C16orf92: variants seen among roughly 807,000 people sequenced by gnomAD.
C16orf92 encodes fertilization-influencing membrane protein 1.
Under a neutral mutation model 13.7 loss-of-function variants are expected in C16orf92, and 14 were observed. The observed-to-expected ratio is 1.02, with a 90% CI of 0.67 to 1.60. The LOEUF (loss-of-function observed/expected upper bound fraction) is 1.60, where lower values mean the gene tolerates loss of function less well. Ranked by LOEUF, C16orf92 falls within the 40% of genes most tolerant of loss-of-function variation. The probability of loss-of-function intolerance (pLI) is 0.00; values close to 1 mark genes in which losing one functional copy is unlikely to be tolerated. For missense variants in C16orf92, 116 were observed against 139.0 expected (o/e 0.83, Z 0.83); for synonymous variants, 50 against 57.4 (o/e 0.87, Z 0.58).
chr16:30,025,294 A>T, downstream of C16orf92: 2 of 1,553,702 alleles, frequency 1.3e-6, no homozygotes, highest in Non-Finnish European at 8.7e-7. This position sits in a 1 kb window ranked among gnomAD's most constrained non-coding sequence, Gnocchi z 4.1. Context: ...GGAGCAGCGC[A>T]GCGCCCAGGT....
Position 30,023,718 on chromosome 16 carries a change from G to C in C16orf92, c.65-9G>C. 1.2e-6 allele frequency: 2 copies of C among 1,614,078 alleles called. No homozygotes were observed. Among genetic ancestry groups the C allele is most frequent in the Non-Finnish European group, 1.7e-6 (2 of 1,180,014 alleles). On this transcript the variant is annotated splice_polypyrimidine_tract_variant and intron_variant, in intron 1 of 3. Transcript: ENST00000681219. ...TTGGCTGTTGTCACAGAGTTTGCTT[G>C]GGTCCTAGCACCCAGACCCAAGCGT...
chr16:30,024,797 G>A (rs1250627523), downstream of C16orf92: 3 of 217,028 alleles, frequency 1.4e-5, no homozygotes, highest in East Asian at 3.4e-4. Flanking sequence ...CTCTCCTCTC[G>A]GGTGATGGGG....
downstream of C16orf92, chr16:30,027,177 G>A (rs1163344580): frequency 4.2e-6 from 2 of 480,078 alleles, no homozygotes; most frequent in African/African-American, 3.9e-5. Context: ...CAGGCAGGTG[G>A]GACCTTGCCA....
chr16:30,025,807 A>C (rs11544328), downstream of C16orf92: 737,371 of 1,612,860 alleles, frequency 0.46, 169,981 homozygotes, highest in African/African-American at 0.48. The surrounding 1 kb of genome is among the most constrained non-coding windows in gnomAD (Gnocchi z 4.1). Flanking sequence ...AGTCTCCCTT[A>C]CCCTGTCGCC....
downstream of C16orf92, chr16:30,025,481 G>A (rs758061725): frequency 9.3e-6 from 15 of 1,610,714 alleles, no homozygotes; most frequent in Non-Finnish European, 1.3e-5. The surrounding 1 kb of genome is among the most constrained non-coding windows in gnomAD (Gnocchi z 4.1). Context: ...AGGAGACACA[G>A]ACACAGTGGC....
downstream of C16orf92, chr16:30,026,485 G>T: frequency 1.2e-6 from 1 of 824,964 alleles, no homozygotes; most frequent in Non-Finnish European, 1.9e-6. Context: ...GCTTTCCCTG[G>T]GAATACGCTG....
At chr16:30,027,264 C>T, downstream of C16orf92, 2 of 433,364 alleles carry the variant, frequency 4.6e-6, no homozygotes, top group Non-Finnish European at 9.3e-6. Flanking sequence ...AGAGAGAGGT[C>T]ACAGGGGTGG....
chr16:30,025,427 G>A (rs2071076004), downstream of C16orf92: 2 of 1,612,328 alleles, frequency 1.2e-6, no homozygotes, highest in South Asian at 2.2e-5. The surrounding 1 kb of genome is among the most constrained non-coding windows in gnomAD (Gnocchi z 4.1). Context: ...CAGCATCAGG[G>A]CCCCGTTCAC....
At chr16:30,026,504 TG>T, downstream of C16orf92, 1 of 952,232 alleles carries the variant, frequency 1.1e-6, no homozygotes, top group Non-Finnish European at 1.6e-6. Flanking sequence ...TGGGTCTGCT[TG>T]GTTGTCAGTA....
downstream of C16orf92, among the ~76,000 whole-genome samples, chr16:30,026,126 T>C (rs2071122706): frequency 6.6e-6 from 1 of 151,978 alleles, no homozygotes; most frequent in Non-Finnish European, 1.5e-5. Flanking sequence ...TCCCAGCTAC[T>C]GGGGAGGCTG....
downstream of C16orf92, chr16:30,025,667 G>A (rs767332753): frequency 6.4e-7 from 1 of 1,564,994 alleles, no homozygotes; most frequent in Non-Finnish European, 8.8e-7. This position sits in a 1 kb window ranked among gnomAD's most constrained non-coding sequence, Gnocchi z 4.1. Context: ...AACCTTGAAG[G>A]TCCCTCCCCT....
downstream of C16orf92, chr16:30,026,782 C>T (rs2071161426): frequency 3.7e-6 from 6 of 1,613,980 alleles, no homozygotes; most frequent in East Asian, 4.5e-5. Flanking sequence ...AGGAACATGG[C>T]GTAGATGTCG....
intron 2 of C16orf92, 52 bp from the exon 3 acceptor site, chr16:30,023,947 G>C (rs1306936327): frequency 3.1e-6 from 5 of 1,593,330 alleles, no homozygotes; most frequent in Non-Finnish European, 4.3e-6. Flanking sequence ...AGCAGCCCCA[G>C]ACCCTTCATT....
downstream of C16orf92, chr16:30,026,722 C>T (rs1161189769): frequency 6.2e-7 from 1 of 1,614,072 alleles, no homozygotes; most frequent in East Asian, 2.2e-5. Context: ...GCTCTGGCCG[C>T]TCCGTCGTCC....
In C16orf92 at chr16:30,023,829, G is replaced by C. The variant is rs1317485779; in HGVS notation, c.167G>C (p.Arg56Thr). ...FFDYPDSDQA[R>T]LLAVAQFIGE... ...GATTATCCGGACTCAGACCAAGCCA[G>C]GCTGCTGGCTGTGGCCCAGTTTATT... The change falls in exon 2 of 4, where the codon AGG becomes ACG. Residue 56 changes from arginine to threonine, a missense_variant. Physicochemically the swap from Arg to Thr is moderately conservative, Grantham distance 71 (BLOSUM62 -1). Coordinates refer to ENST00000681219, the MANE Select transcript of C16orf92 (RefSeq NM_001109659.2). 1 of 1,614,056 alleles carries C rather than the reference G, an allele frequency of 6.2e-7. No homozygotes were observed. The highest frequency in any genetic ancestry group is 8.5e-7 in the Non-Finnish European group (1 of 1,180,022).
Position 30,024,263 on chromosome 16 carries a change from C to T in C16orf92, c.*36C>T. On this transcript the variant is annotated 3_prime_UTR_variant, in exon 4 of 4. Coordinates refer to ENST00000681219, the MANE Select transcript of C16orf92 (RefSeq NM_001109659.2). ...AAGGGCTCTGGACTCAACCTGAGCA[C>T]CCACACCCACCTCCTCTCCTGTTGA... The T allele has an allele frequency of 6.2e-7, 1 of 1,605,944 alleles. No individual in the cohort carries two copies. The highest frequency in any genetic ancestry group is 1.3e-5 in the African/African-American group (1 of 74,780).
downstream of C16orf92, chr16:30,025,035 G>A (rs1202362818): frequency 1.0e-5 from 6 of 577,190 alleles, no homozygotes; most frequent in South Asian, 2.5e-5. The surrounding 1 kb of genome is among the most constrained non-coding windows in gnomAD (Gnocchi z 4.1). Flanking sequence ...CAGTCCCCGA[G>A]AGATGGGGCC....
chr16:30,025,476 A>G (rs531520342), downstream of C16orf92: 14 of 1,610,902 alleles, frequency 8.7e-6, no homozygotes, highest in Admixed American at 1.8e-4. The surrounding 1 kb of genome is among the most constrained non-coding windows in gnomAD (Gnocchi z 4.1). Flanking sequence ...TACTGAGGAG[A>G]CACAGACACA....
Position 30,024,039 on chromosome 16 carries a change from G to A in C16orf92, c.264G>A (p.Leu88=). Residue 88 remains leucine (L), a synonymous_variant, in exon 3 of 4, where the codon TTG becomes TTA. Coordinates refer to ENST00000681219, the MANE Select transcript of C16orf92 (RefSeq NM_001109659.2). ...PGLFHHILVG[L]LVVAFFFLLF... ...TCTTCCATCACATCCTGGTGGGCTTGCTGGTGGTGGCGTTCTTCTTTCTCC... is the reference window on the plus strand; with the variant it reads ...TCTTCCATCACATCCTGGTGGGCTTACTGGTGGTGGCGTTCTTCTTTCTCC... The A allele has an allele frequency of 6.2e-7, 1 of 1,614,106 alleles. No homozygotes were observed. Among genetic ancestry groups the A allele is most frequent in the Non-Finnish European group, 8.5e-7 (1 of 1,179,962 alleles).
Sources: gnomAD v4.1 joint callset for allele counts (sites outside exome capture counted in the v4.1 genomes callset) on GRCh38, gnomAD v4.1.1 for gene constraint, Gnocchi (gnomAD v3.1) non-coding constraint, MANE v1.5 for transcripts, NCBI Gene and HGNC (gene_info 2026-07-23, HGNC 2026-07-21) for gene names.